Variants in ZYG11B observed in about 807,000 individuals in gnomAD.
ZYG11B encodes zyg-11 family member B, cell cycle regulator.
Under a neutral mutation model 82.4 loss-of-function variants are expected in ZYG11B, and 36 were observed. The ratio of observed to expected loss-of-function variants is 0.44; its 90% confidence interval spans 0.33 to 0.58. The LOEUF is 0.58. ZYG11B is among the 20% of genes least tolerant of loss of function. The probability of loss-of-function intolerance (pLI) is 0.02; values close to 1 mark genes in which losing one functional copy is unlikely to be tolerated. For synonymous variants in ZYG11B, 303 were observed against 312.8 expected (o/e 0.97, Z 0.33); for missense variants, 552 against 895.6 (o/e 0.62, Z 4.90).
intron 2 of ZYG11B, among the ~76,000 whole-genome samples, chr1:52,765,481 G>GC (rs148124075): frequency 0.016 from 2,450 of 152,126 alleles, 51 homozygotes; most frequent in African/African-American, 0.056. Flanking sequence ...ACAGGAATGA[G>GC]CCACCACACT....
chr1:52,730,081 T>G (rs1315091075), intron 1 of ZYG11B, among the ~76,000 whole-genome samples: 1 of 152,066 alleles, frequency 6.6e-6, no homozygotes, highest in African/African-American at 2.4e-5. Context: ...GTGCTGGAAT[T>G]ATAGACGTGA....
intron 13 of ZYG11B, 39 bp from the exon 14 acceptor site, chr1:52,821,400 A>G (rs746769400): frequency 2.4e-5 from 37 of 1,518,944 alleles, no homozygotes; most frequent in Non-Finnish European, 2.8e-5. Context: ...AAGAAAAGCT[A>G]TTTCTCCTGT....
At chr1:52,761,398 C>G (rs1039630869) in intron 2 of ZYG11B, among the ~76,000 whole-genome samples, 2 of 152,166 alleles carry the variant, frequency 1.3e-5, no homozygotes, top group African/African-American at 4.8e-5. Flanking sequence ...TCTATGAGAT[C>G]AGTTTTTTAG....
At position 52,813,853 on chromosome 1, in the gene ZYG11B, C is replaced by T. The variant is rs1234406853; in HGVS notation, c.1894-7C>T. On this transcript the variant is annotated splice_polypyrimidine_tract_variant and splice_region_variant and intron_variant, in intron 11 of 13. Coordinates refer to ENST00000294353, the MANE Select transcript of ZYG11B (RefSeq NM_024646.3). ...TAATCCTTTCTTGTGTGTCTTTTGT[C>T]TTCCAGCATTCAGCTATTTTGAAAT... The T allele has an allele frequency of 1.1e-5, 18 of 1,613,912 alleles. No individual in the cohort carries two copies. Among genetic ancestry groups the T allele is most frequent in the East Asian group, 2.2e-5 (1 of 44,872 alleles).
At chr1:52,784,843 A>T (rs749020997) in intron 4 of ZYG11B, 34 bp from the exon 5 acceptor site, 1 of 1,598,628 alleles carries the variant, frequency 6.3e-7, no homozygotes, top group South Asian at 1.1e-5. Flanking sequence ...TGTATTTATA[A>T]GGTGAATTAA....
At chr1:52,756,774 C>A in intron 2 of ZYG11B, 151 bp downstream of exon 2, 2 of 631,592 alleles carry the variant, frequency 3.2e-6, no homozygotes, top group Non-Finnish European at 5.1e-6. Flanking sequence ...TTATTTTTAC[C>A]TATCTTGCCT....
intron 8 of ZYG11B, among the ~76,000 whole-genome samples, chr1:52,797,451 A>ATT (rs1480995802): frequency 9.3e-6 from 1 of 108,008 alleles, no homozygotes; most frequent in African/African-American, 3.6e-5. Flanking sequence ...TATATTATAT[A>ATT]TCATATATGA....
chr1:52,738,428 G>T (rs1368317951), intron 1 of ZYG11B, among the ~76,000 whole-genome samples: 1 of 151,728 alleles, frequency 6.6e-6, no homozygotes, highest in African/African-American at 2.4e-5. Flanking sequence ...TGATCTGCCC[G>T]CCTCGGCCTC....
chr1:52,798,779 C>T (rs1424361875), intron 8 of ZYG11B, among the ~76,000 whole-genome samples: 6 of 151,964 alleles, frequency 3.9e-5, no homozygotes, highest in Admixed American at 6.6e-5. Context: ...TAGTAAACCA[C>T]GAAAACTTTA....
At chr1:52,737,516 C>T (rs12034340) in intron 1 of ZYG11B, among the ~76,000 whole-genome samples, 18,634 of 152,046 alleles carry the variant, frequency 0.12, 2,583 homozygotes, top group East Asian at 0.35. Context: ...CCTGTAATCT[C>T]AGCACTTTGG....
At chr1:52,783,986 A>ATG (rs1644890140) in intron 4 of ZYG11B, among the ~76,000 whole-genome samples, 5 of 45,634 alleles carry the variant, frequency 1.1e-4, no homozygotes, top group Admixed American at 7.0e-4. Context: ...ACACACACAC[A>ATG]TATATATATA....
At chr1:52,820,625 G>C (rs1342121951) in intron 13 of ZYG11B, among the ~76,000 whole-genome samples, 1 of 148,938 alleles carries the variant, frequency 6.7e-6, no homozygotes, top group Admixed American at 6.8e-5. Flanking sequence ...TCCAGCCTGG[G>C]CAACACAGCA....
chr1:52,729,787 C>CT (rs1184912404), intron 1 of ZYG11B, among the ~76,000 whole-genome samples: 1 of 152,026 alleles, frequency 6.6e-6, no homozygotes, highest in Non-Finnish European at 1.5e-5. Context: ...TTGCAGTGAA[C>CT]TGAGGGCAGG....
chr1:52,755,725 G>A (rs138274153), intron 1 of ZYG11B, among the ~76,000 whole-genome samples: 33 of 151,984 alleles, frequency 2.2e-4, no homozygotes, highest in East Asian at 7.8e-4. Flanking sequence ...GGCTGGTCTC[G>A]AACTCCCGAC....
At chr1:52,731,426 G>C (rs1644331950) in intron 1 of ZYG11B, among the ~76,000 whole-genome samples, 1 of 152,080 alleles carries the variant, frequency 6.6e-6, no homozygotes, top group East Asian at 1.9e-4. Context: ...AAAAAACCTA[G>C]GTCACTCTCC....
At chr1:52,759,002 G>A (rs994680205) in intron 2 of ZYG11B, among the ~76,000 whole-genome samples, 1 of 152,138 alleles carries the variant, frequency 6.6e-6, no homozygotes, top group Non-Finnish European at 1.5e-5. Context: ...TGCAATCTCA[G>A]CTCACTGCAG....
At chr1:52,743,402 T>C (rs375806584) in intron 1 of ZYG11B, among the ~76,000 whole-genome samples, 15 of 69,116 alleles carry the variant, frequency 2.2e-4, no homozygotes, top group Admixed American at 2.1e-3. Context: ...CAATAAATAC[T>C]AAAAAAAAAA....
chr1:52,796,607 G>A lies in ZYG11B; in HGVS notation c.1435-127G>A, dbSNP rs868838169. The A allele has an allele frequency of 7.7e-6, 7 of 913,160 alleles. No individual in the cohort carries two copies. The Middle Eastern group carries it at 6.9e-4, about 90-fold the overall frequency. 56.6% of individuals were successfully genotyped at this position (913,160 alleles called of 1,614,324 possible). ...GGCCGAGGCAGGCCTCCCAAAAACCGATATGCAGCAGAATTCCAAGTTGAT... is the reference window on the plus strand; with the variant it reads ...GGCCGAGGCAGGCCTCCCAAAAACCAATATGCAGCAGAATTCCAAGTTGAT... On this transcript the variant is annotated intron_variant, in intron 7 of 13. Coordinates refer to ENST00000294353, the MANE Select transcript of ZYG11B (RefSeq NM_024646.3).
chr1:52,732,498 G>A (rs547798750), intron 1 of ZYG11B, among the ~76,000 whole-genome samples: 5 of 152,258 alleles, frequency 3.3e-5, no homozygotes, highest in East Asian at 1.9e-4. Flanking sequence ...GGTGGCTCAC[G>A]CCTGTAATCC....
Sources: gnomAD v4.1 joint callset for allele counts (sites outside exome capture counted in the v4.1 genomes callset) on GRCh38, gnomAD v4.1.1 for gene constraint, MANE v1.5 for transcripts, NCBI Gene and HGNC (gene_info 2026-07-23, HGNC 2026-07-21) for gene names.